ITIH6: variants seen among roughly 807,000 people sequenced by gnomAD.
ITIH6 encodes the protein inter-alpha-trypsin inhibitor heavy chain H6.
ITIH6 carries 60 observed loss-of-function variants against 58.2 expected under a neutral mutation model. The observed-to-expected ratio is 1.03, with a 90% CI of 0.84 to 1.28. The LOEUF is 1.28. Ranked by LOEUF, ITIH6 falls within the 50% of genes most tolerant of loss-of-function variation. ITIH6 has a pLI of 0.00. For missense variants in ITIH6, 1,290 were observed against 1,021.1 expected (o/e 1.26, Z -3.59); for synonymous variants, 493 against 417.4 (o/e 1.18, Z -2.21).
At chrX:54,788,438 C>A (rs369737451) in intron 5 of ITIH6, 42 bp downstream of exon 5, 1 of 1,159,773 alleles carries the variant, frequency 8.6e-7, no homozygotes, top group Non-Finnish European at 1.2e-6. Flanking sequence ...GCCTGTCTGA[C>A]TCCAGAGCCC....
intron 6 of ITIH6, among the ~76,000 whole-genome samples, chrX:54,764,207 A>G (rs1230236082): frequency 9.0e-6 from 1 of 111,364 alleles, no homozygotes; most frequent in Non-Finnish European, 1.9e-5. Context: ...TTACTGACAT[A>G]GTTGGATTAA....
In ITIH6 at chrX:54,760,368, T is replaced by A. The variant is rs188044954; in HGVS notation, c.904-441A>T. Among the ~76,000 whole-genome samples, 113 of 111,051 alleles carry A rather than the reference T, an allele frequency of 1.0e-3. No individual in the cohort carries two copies. The East Asian group carries it at 0.019, about 18-fold the overall frequency. ...GCTCCCTGTTTTTAGAGCTCTAGAA[T>A]TCATTTGCTATATGGTTCCTGGGCT... On this transcript the variant is annotated intron_variant, in intron 6 of 12. Coordinates refer to ENST00000218436, the MANE Select transcript of ITIH6 (RefSeq NM_198510.3).
intron 11 of ITIH6, among the ~76,000 whole-genome samples, chrX:54,753,190 T>C: frequency 8.9e-6 from 1 of 112,827 alleles, no homozygotes; most frequent in African/African-American, 3.2e-5. Context: ...TTTCCTAATC[T>C]TAAAAAATCT....
At chrX:54,777,117 C>A (rs1345724432) in intron 5 of ITIH6, among the ~76,000 whole-genome samples, 3 of 112,254 alleles carry the variant, frequency 2.7e-5, no homozygotes, top group Non-Finnish European at 5.6e-5. Flanking sequence ...ATACCACAAG[C>A]TGACTGAAGA....
chrX:54,750,832 G>C (rs1928337160), intron 12 of ITIH6, among the ~76,000 whole-genome samples, 171 bp downstream of exon 12: 1 of 112,010 alleles, frequency 8.9e-6, no homozygotes, highest in Non-Finnish European at 1.9e-5. Flanking sequence ...ATCCCCTCCT[G>C]TGTTCACTAT....
chrX:54,753,244 A>C (rs1230977658), intron 11 of ITIH6, among the ~76,000 whole-genome samples: 1 of 113,064 alleles, frequency 8.8e-6, no homozygotes, highest in Non-Finnish European at 1.9e-5. Flanking sequence ...AATGTATAAA[A>C]TACTGCATTA....
At chrX:54,765,441 G>A (rs1265982165) in intron 6 of ITIH6, among the ~76,000 whole-genome samples, 1 of 100,317 alleles carries the variant, frequency 1.0e-5, no homozygotes, top group Non-Finnish European at 2.0e-5. Context: ...TTTTGTATAA[G>A]GTGTAAGGAA....
chrX:54,760,059 T>A, intron 6 of ITIH6, 132 bp from the exon 7 acceptor site: 3 of 510,276 alleles, frequency 5.9e-6, no homozygotes, highest in Non-Finnish European at 9.6e-6. Context: ...CAGGACTCTG[T>A]GAATCTAGGA....
At chrX:54,767,440 A>G (rs1209688350) in intron 6 of ITIH6, among the ~76,000 whole-genome samples, 2 of 101,519 alleles carry the variant, frequency 2.0e-5, no homozygotes, top group African/African-American at 8.2e-5. Flanking sequence ...TAGCTTTTGA[A>G]TGTGTTTGCT....
At chrX:54,759,612 C>G (rs760384429) in intron 7 of ITIH6, 144 bp downstream of exon 7, 1 of 474,508 alleles carries the variant, frequency 2.1e-6, no homozygotes, top group Non-Finnish European at 3.5e-6. Flanking sequence ...ACACAGAGGA[C>G]AAAGGACCAT....
At chrX:54,789,236 ACTCT>A (rs749258050) in intron 4 of ITIH6, among the ~76,000 whole-genome samples, 553 of 110,617 alleles carry the variant, frequency 5.0e-3, no homozygotes, top group Non-Finnish European at 8.2e-3. Context: ...ATCACAGATG[ACTCT>A]CTAGTCCCGG....
intron 5 of ITIH6, among the ~76,000 whole-genome samples, chrX:54,775,526 A>C (rs968792235): frequency 6.3e-5 from 7 of 110,572 alleles, no homozygotes; most frequent in African/African-American, 2.0e-4. Flanking sequence ...GACCCCATGC[A>C]CTCCAAGTGC....
intron 2 of ITIH6, among the ~76,000 whole-genome samples, chrX:54,796,499 A>T (rs1172111148): frequency 9.1e-6 from 1 of 109,880 alleles, no homozygotes; most frequent in Non-Finnish European, 1.9e-5. Flanking sequence ...CCTGGCTAAC[A>T]CGGTGAAACC....
intron 1 of ITIH6, 41 bp from the exon 2 acceptor site, chrX:54,797,137 G>A (rs1179301293): frequency 1.7e-6 from 2 of 1,145,959 alleles, no homozygotes; most frequent in South Asian, 3.8e-5. Flanking sequence ...GGTAGACTAT[G>A]TCCTCAGCCT....
At chrX:54,766,875 C>T (rs1413512381) in intron 6 of ITIH6, among the ~76,000 whole-genome samples, 1 of 105,753 alleles carries the variant, frequency 9.5e-6, no homozygotes, top group Non-Finnish European at 1.9e-5. Context: ...CTCTGCCTGG[C>T]TTTGGTATCA....
intron 6 of ITIH6, among the ~76,000 whole-genome samples, chrX:54,768,055 C>G (rs1928840330): frequency 1.0e-5 from 1 of 100,256 alleles, no homozygotes; most frequent in Admixed American, 1.1e-4. Context: ...TCAGGACATG[C>G]TTTATGAATC....
chrX:54,763,980 A>G (rs1180084157), intron 6 of ITIH6, among the ~76,000 whole-genome samples: 1 of 111,994 alleles, frequency 8.9e-6, no homozygotes, highest in Non-Finnish European at 1.9e-5. Flanking sequence ...TTTGAAGTCT[A>G]TTTTGTCCAA....
At chrX:54,770,195 C>T (rs1220180898) in intron 6 of ITIH6, among the ~76,000 whole-genome samples, 1 of 113,027 alleles carries the variant, frequency 8.8e-6, no homozygotes, top group Non-Finnish European at 1.9e-5. Context: ...TCCCTGTCCC[C>T]TTGCGCTTCC....
At chrX:54,793,942 A>C (rs942433764) in intron 2 of ITIH6, among the ~76,000 whole-genome samples, 1 of 111,394 alleles carries the variant, frequency 9.0e-6, no homozygotes. Flanking sequence ...TGGGTGTCCT[A>C]GAGAAAGTTA....
Sources: allele counts gnomAD v4.1 joint callset (sites outside exome capture counted in the v4.1 genomes callset), GRCh38; gene constraint gnomAD v4.1.1; transcripts MANE v1.5; gene names NCBI Gene and HGNC (gene_info 2026-07-23, HGNC 2026-07-21).